NAA35: variants seen among roughly 807,000 people sequenced by gnomAD.
NAA35 encodes MAK10 homolog, amino-acid N-acetyltransferase subunit.
NAA35 carries 18 observed loss-of-function variants against 101.7 expected under a neutral mutation model. That is an observed-to-expected ratio of 0.18 (90% CI 0.12 to 0.26). The LOEUF (loss-of-function observed/expected upper bound fraction) is 0.26, where lower values mean the gene tolerates loss of function less well. Among genes scored for constraint, NAA35 ranks in the 10% least tolerant of loss-of-function variants. NAA35 has a pLI of 1.00. For synonymous variants in NAA35, 267 were observed against 273.1 expected (o/e 0.98, Z 0.22); for missense variants, 601 against 886.8 (o/e 0.68, Z 4.09).
At chr9:85,988,842 A>G (rs1439996347) in intron 11 of NAA35, among the ~76,000 whole-genome samples, 1 of 152,116 alleles carries the variant, frequency 6.6e-6, no homozygotes, top group African/African-American at 2.4e-5. Context: ...GAAAAAACTA[A>G]GCGAAGCAGA....
intron 5 of NAA35, among the ~76,000 whole-genome samples, chr9:85,960,709 G>A (rs1229858216): frequency 6.6e-6 from 1 of 152,174 alleles, no homozygotes; most frequent in Non-Finnish European, 1.5e-5. Flanking sequence ...AAAGAAAGGA[G>A]TCAAAGGATT....
At chr9:85,995,091 T>C (rs951641196) in intron 11 of NAA35, among the ~76,000 whole-genome samples, 5 of 152,054 alleles carry the variant, frequency 3.3e-5, no homozygotes, top group Admixed American at 3.3e-4. Flanking sequence ...TTATTAGTAA[T>C]GAAGACCAGT....
At chr9:85,968,655 A>C (rs1829867136) in intron 6 of NAA35, among the ~76,000 whole-genome samples, 3 of 151,872 alleles carry the variant, frequency 2.0e-5, no homozygotes, top group Admixed American at 2.0e-4. Context: ...ACTGTTCCAT[A>C]TTATCTCCAT....
intron 15 of NAA35, among the ~76,000 whole-genome samples, chr9:86,011,956 AAT>A (rs886179704): frequency 2.8e-5 from 4 of 142,310 alleles, no homozygotes; most frequent in African/African-American, 7.8e-5. Flanking sequence ...TATAGTATAT[AAT>A]ATATAATGTA....
intron 2 of NAA35, among the ~76,000 whole-genome samples, chr9:85,954,305 A>G (rs950531213): frequency 6.6e-6 from 1 of 151,966 alleles, no homozygotes; most frequent in Non-Finnish European, 1.5e-5. Context: ...CTGGTCTTGA[A>G]CTCGCGGGCT....
intron 12 of NAA35, among the ~76,000 whole-genome samples, chr9:86,000,564 T>A (rs922519222): frequency 1.3e-5 from 2 of 152,012 alleles, no homozygotes; most frequent in African/African-American, 4.8e-5. Flanking sequence ...TTATTACTGA[T>A]TCAGTTTTGG....
chr9:86,007,855 T>C (rs1184540056), intron 14 of NAA35, among the ~76,000 whole-genome samples: 1 of 152,088 alleles, frequency 6.6e-6, no homozygotes, highest in African/African-American at 2.4e-5. Context: ...TCATCATTTC[T>C]TAACAAAGCA....
At chr9:86,004,821 A>G (rs1831562351) in intron 13 of NAA35, among the ~76,000 whole-genome samples, 1 of 152,236 alleles carries the variant, frequency 6.6e-6, no homozygotes, top group Non-Finnish European at 1.5e-5. Flanking sequence ...CTATTCCTTT[A>G]AATGTAGATA....
At chr9:85,969,270 CAA>C (rs61275261) in intron 6 of NAA35, among the ~76,000 whole-genome samples, 10,527 of 105,562 alleles carry the variant, frequency 0.1, 796 homozygotes, top group East Asian at 0.31. Context: ...CCTGGTATGT[CAA>C]AAAAAAAAAA....
intron 6 of NAA35, among the ~76,000 whole-genome samples, chr9:85,962,970 A>G: frequency 6.6e-6 from 1 of 152,208 alleles, no homozygotes; most frequent in Non-Finnish European, 1.5e-5. Context: ...AGTATAAAAA[A>G]TAAGCTTTCA....
chr9:85,974,355 A>G (rs966136569), intron 6 of NAA35, among the ~76,000 whole-genome samples: 2 of 152,132 alleles, frequency 1.3e-5, no homozygotes, highest in African/African-American at 4.8e-5. Flanking sequence ...CAGTAAATGT[A>G]TTTTCTTCAA....
At chr9:85,944,883 G>A (rs1272331546) in intron 2 of NAA35, among the ~76,000 whole-genome samples, 1 of 152,144 alleles carries the variant, frequency 6.6e-6, no homozygotes, top group African/African-American at 2.4e-5. Context: ...TTCACCCAGG[G>A]TGGTTGCATA....
At chr9:85,948,797 G>T (rs1828876577) in intron 2 of NAA35, among the ~76,000 whole-genome samples, 2 of 151,824 alleles carry the variant, frequency 1.3e-5, no homozygotes, top group Admixed American at 1.3e-4. Context: ...CGCTCTTGCT[G>T]CCCAGGCTGG....
At position 86,021,958 on chromosome 9, in the gene NAA35, TGA is replaced by T. The variant is rs1490142732; in HGVS notation, c.*5_*6del. 4.3e-6 allele frequency: 7 copies of T among 1,613,408 alleles called. No individual in the cohort carries two copies. The highest frequency in any genetic ancestry group is 1.7e-5 in the Admixed American group (1 of 59,968). On this transcript the variant is annotated frameshift_variant and stop_lost, in exon 23 of 23. Transcript: ENST00000361671. LOFTEE classifies it high-confidence loss of function. ...ATATTTTCCTGTTGTGAAACTTGTT[TGA>T]GAGAGACTGGGGAGGTGGCCATAAA... ...HKYFPVVKLV[*>X]
At position 85,975,010 on chromosome 9, in the gene NAA35, G is replaced by T. The variant is rs200590081; in HGVS notation, c.560G>T (p.Ser187Ile). ...ACTTATGGATTTAAAATGGCTAACA[G>T]TGTGACAGATCTTCGAGTTACAGGT... Reference protein sequence around the residue: ...SMTYGFKMANSVTDLRVTGML... With the variant: ...SMTYGFKMANIVTDLRVTGML... The change falls in exon 7 of 23, where the codon AGT becomes ATT. Residue 187 changes from serine (S) to isoleucine (I), a missense_variant. Physicochemically the swap from Ser to Ile is moderately radical, Grantham distance 142. This residue lies in a region of NAA35 where 86 missense variants were observed against 169.4 expected (regional missense o/e 0.51). Coordinates refer to ENST00000361671, the MANE Select transcript of NAA35 (RefSeq NM_024635.4). 6 of 1,613,048 alleles carry T rather than the reference G, an allele frequency of 3.7e-6. No individual in the cohort carries two copies. The highest frequency in any genetic ancestry group is 5.1e-6 in the Non-Finnish European group (6 of 1,179,382).
chr9:85,966,559 T>A (rs1829750954), intron 6 of NAA35: 1 of 1,033,944 alleles, frequency 9.7e-7, no homozygotes, highest in Admixed American at 3.3e-5. Flanking sequence ...TTTCTTTCTT[T>A]CTTTTTTTTT....
rs551176259 is a variant in NAA35 at position 85,966,309 on chromosome 9, G to A, written c.516+4129G>A. On this transcript the variant is annotated intron_variant, in intron 6 of 22. Transcript: ENST00000361671. ...GGAAATGGGAGAAATCTTAAAGGAA[G>A]AGACTAATAGGACAAGAGTGATAGA... Among the ~76,000 whole-genome samples the A allele has an allele frequency of 2.0e-5, 3 of 152,246 alleles. No homozygotes were observed. The East Asian group carries it at 5.8e-4, about 29-fold the overall frequency.
chr9:85,984,108 G>T (rs1306422516), intron 11 of NAA35, among the ~76,000 whole-genome samples: 1 of 150,684 alleles, frequency 6.6e-6, no homozygotes, highest in Admixed American at 6.6e-5. Context: ...TAGGAAGATT[G>T]CATGAGGCCA....
At chr9:85,998,734 G>A (rs4877957) in intron 12 of NAA35, among the ~76,000 whole-genome samples, 1 of 152,168 alleles carries the variant, frequency 6.6e-6, no homozygotes, top group Admixed American at 6.5e-5. Flanking sequence ...GGTAGAAAAT[G>A]TGCAAGACAG....
Sources: gnomAD v4.1 joint callset for allele counts (sites outside exome capture counted in the v4.1 genomes callset) on GRCh38, gnomAD v4.1.1 for gene constraint, gnomAD v4.1.1 regional missense constraint, MANE v1.5 for transcripts, NCBI Gene and HGNC (gene_info 2026-07-23, HGNC 2026-07-21) for gene names.